Variants in NEBL observed in about 807,000 individuals in gnomAD.
NEBL encodes LIM and SH3 protein 2.
Under a neutral mutation model 140.2 loss-of-function variants are expected in NEBL, and 122 were observed. The ratio of observed to expected loss-of-function variants is 0.87; its 90% CI spans 0.75 to 1.01. NEBL has a LOEUF of 1.01. Ranked by LOEUF, NEBL falls within the 50% of genes least tolerant of loss-of-function variation. NEBL has a pLI of 0.00. For synonymous variants in NEBL, 436 were observed against 398.9 expected (o/e 1.09, Z -1.11); for missense variants, 1,365 against 1,231.3 (o/e 1.11, Z -1.62).
chr10:20,917,372 A>G (rs1207986309), intron 4 of NEBL, among the ~76,000 whole-genome samples: 1 of 152,222 alleles, frequency 6.6e-6, no homozygotes, highest in Non-Finnish European at 1.5e-5. Flanking sequence ...CAAACCCATA[A>G]TGGCAAAGAA....
chr10:20,968,671 A>C (rs1186533087), intron 3 of NEBL, among the ~76,000 whole-genome samples: 2 of 152,240 alleles, frequency 1.3e-5, no homozygotes, highest in Non-Finnish European at 2.9e-5. Context: ...GCAGCTTGTC[A>C]GAATATGTTT....
chr10:20,907,998 TA>T (rs1305479098), intron 4 of NEBL, among the ~76,000 whole-genome samples: 1 of 152,156 alleles, frequency 6.6e-6, no homozygotes, highest in Non-Finnish European at 1.5e-5. Context: ...GAACTCCATA[TA>T]AAAATGATGG....
At chr10:21,053,470 C>A (rs1464247325) in intron 2 of NEBL, among the ~76,000 whole-genome samples, 1 of 152,184 alleles carries the variant, frequency 6.6e-6, no homozygotes, top group Non-Finnish European at 1.5e-5. Context: ...GCAGTTTCTT[C>A]TTCTTTATTG....
intron 7 of NEBL, among the ~76,000 whole-genome samples, chr10:20,860,575 A>AC (rs1268662652): frequency 6.7e-6 from 1 of 149,910 alleles, no homozygotes; most frequent in Non-Finnish European, 1.5e-5. Flanking sequence ...AAGAAAAAAA[A>AC]AAAAAAAAAA....
chr10:20,886,309 G>A (rs1327497718), intron 4 of NEBL, among the ~76,000 whole-genome samples: 2 of 152,012 alleles, frequency 1.3e-5, no homozygotes, highest in Non-Finnish European at 1.5e-5. Flanking sequence ...GATCGCCTGA[G>A]GTCAGGAGTT....
intron 4 of NEBL, among the ~76,000 whole-genome samples, chr10:20,911,161 C>G (rs1848316436): frequency 6.6e-6 from 1 of 151,930 alleles, no homozygotes; most frequent in Admixed American, 6.6e-5. Context: ...AAGATCCTGT[C>G]TCAAAAAATA....
At chr10:21,272,074 C>G (rs956761864) in intron 1 of NEBL, among the ~76,000 whole-genome samples, 1 of 150,468 alleles carries the variant, frequency 6.6e-6, no homozygotes, top group African/African-American at 2.5e-5. Context: ...TCTTCAGCCT[C>G]CTGAGTAGCT....
intron 6 of NEBL, among the ~76,000 whole-genome samples, chr10:20,869,518 T>A (rs945013802): frequency 3.3e-5 from 5 of 152,154 alleles, no homozygotes; most frequent in Non-Finnish European, 7.4e-5. Flanking sequence ...TCTCTAAAAG[T>A]ATGATGACAC....
At chr10:20,994,561 G>C (rs1398552465) in intron 3 of NEBL, among the ~76,000 whole-genome samples, 1 of 152,142 alleles carries the variant, frequency 6.6e-6, no homozygotes, top group African/African-American at 2.4e-5. Context: ...GACCCTTGAA[G>C]AATGCAGGCA....
rs534378237 is a variant in NEBL, at chr10:20,909,404, T to C, written c.357+52268A>G. Among the ~76,000 whole-genome samples the C allele has an allele frequency of 3.9e-5, 6 of 152,304 alleles. No individual in the cohort carries two copies. In the East Asian group the frequency reaches 1.2e-3, roughly 29 times the overall value. On this transcript the variant is annotated intron_variant, in intron 4 of 6. Transcript: ENST00000417816. Reference sequence around the variant, plus strand: ...AATAAGTGAGAACATGCAATGTTTGTCTTTCTGGGTGGCACTCTTAATAAT... The same window carrying C: ...AATAAGTGAGAACATGCAATGTTTGCCTTTCTGGGTGGCACTCTTAATAAT...
chr10:20,786,440 T>C (rs907599226), intron 27 of NEBL, among the ~76,000 whole-genome samples: 1 of 152,198 alleles, frequency 6.6e-6, no homozygotes, highest in Non-Finnish European at 1.5e-5. Context: ...CATATAAGTG[T>C]CCTGAATGTT....
chr10:21,110,152 T>G (rs1057316566), intron 2 of NEBL, among the ~76,000 whole-genome samples: 5 of 152,148 alleles, frequency 3.3e-5, no homozygotes, highest in Non-Finnish European at 7.4e-5. Context: ...TCATTTATTA[T>G]AATTGCTTTG....
intron 3 of NEBL, among the ~76,000 whole-genome samples, chr10:20,999,089 C>T (rs926070190): frequency 1.1e-4 from 16 of 151,260 alleles, no homozygotes; most frequent in South Asian, 2.1e-4. Flanking sequence ...TTTTTATCTG[C>T]GGCACCAAAA....
chr10:21,085,928 C>T (rs1281845119), intron 2 of NEBL, among the ~76,000 whole-genome samples: 3 of 151,910 alleles, frequency 2.0e-5, no homozygotes, highest in African/African-American at 7.3e-5. Context: ...ACAGGAGGAG[C>T]TTTTATGGAA....
At chr10:21,052,075 A>T (rs1252522193) in intron 2 of NEBL, among the ~76,000 whole-genome samples, 1 of 152,198 alleles carries the variant, frequency 6.6e-6, no homozygotes, top group Non-Finnish European at 1.5e-5. Context: ...TTTTAAAGAT[A>T]TATGATAAAA....
chr10:20,862,219 A>T (rs1843775318), intron 7 of NEBL, among the ~76,000 whole-genome samples: 1 of 152,222 alleles, frequency 6.6e-6, no homozygotes, highest in African/African-American at 2.4e-5. Flanking sequence ...TCAATCTGTT[A>T]TTCATATATT....
intron 2 of NEBL, among the ~76,000 whole-genome samples, chr10:21,140,837 C>A (rs150480036): frequency 6.6e-6 from 1 of 151,876 alleles, no homozygotes; most frequent in African/African-American, 2.4e-5. Context: ...AAATATCTAA[C>A]GCATGCATGG....
At chr10:21,094,100 T>C (rs142168409) in intron 2 of NEBL, among the ~76,000 whole-genome samples, 1,965 of 152,286 alleles carry the variant, frequency 0.013, 31 homozygotes, top group Middle Eastern at 0.02. Context: ...CTCACGCTTG[T>C]AATGCCAACA....
At chr10:20,991,456 A>G (rs1031369426) in intron 3 of NEBL, among the ~76,000 whole-genome samples, 1 of 152,188 alleles carries the variant, frequency 6.6e-6, no homozygotes, top group African/African-American at 2.4e-5. Flanking sequence ...TTCATGGAAA[A>G]GATAAAATTT....
Sources: allele counts gnomAD v4.1 joint callset (sites outside exome capture counted in the v4.1 genomes callset), GRCh38; gene constraint gnomAD v4.1.1; transcripts MANE v1.5; gene names NCBI Gene and HGNC (gene_info 2026-07-23, HGNC 2026-07-21).